Variants in CYP4X1 observed in about 807,000 individuals in gnomAD.
The protein encoded by CYP4X1 is cytochrome P450 family 4 subfamily X member 1.
In CYP4X1, 44 loss-of-function variants were observed where a neutral mutation model predicts 57.9. The observed-to-expected ratio is 0.76, with a 90% confidence interval of 0.60 to 0.98. The LOEUF is 0.98. CYP4X1 is among the 50% of genes least tolerant of loss of function. The pLI, the probability that CYP4X1 is intolerant of heterozygous loss-of-function variation, is 0.00. For synonymous variants in CYP4X1, 227 were observed against 228.6 expected (o/e 0.99, Z 0.06); for missense variants, 532 against 623.9 (o/e 0.85, Z 1.57).
rs776483581 is a variant in CYP4X1 at position 47,038,710 on chromosome 1, GA to G, written c.827del (p.Asp276ValfsTer35). The G allele has an allele frequency of 6.2e-7, 1 of 1,611,364 alleles. No homozygotes were observed. The highest frequency in any genetic ancestry group is 8.5e-7 in the Non-Finnish European group (1 of 1,178,762). On this transcript the variant is annotated frameshift_variant, in exon 7 of 12. Transcript: ENST00000371901. LOFTEE classifies it high-confidence loss of function. The part of the protein sequence containing the change: ...KKSLQAGVKQ[D>X]NTPKRKYQDF... ...ATCCCTCCAGGCTGGGGTAAAGCAG[GA>G]TAACACTCCGAAGAGGAAGTACCAG...
At chr1:47,021,588 T>G (rs1177010259), upstream of CYP4X1, among the ~76,000 whole-genome samples, 1 of 152,212 alleles carries the variant, frequency 6.6e-6, no homozygotes, top group Non-Finnish European at 1.5e-5. Context: ...AAAATGGCAG[T>G]GAAGCAGAGA....
the CYP4X1 span, among the ~76,000 whole-genome samples, chr1:46,977,810 G>T: frequency 6.6e-6 from 1 of 151,982 alleles, no homozygotes; most frequent in Non-Finnish European, 1.5e-5. Flanking sequence ...GAAAGAGTGG[G>T]GGTCAATATT....
chr1:46,977,329 G>A, the CYP4X1 span, among the ~76,000 whole-genome samples: 1 of 152,118 alleles, frequency 6.6e-6, no homozygotes, highest in African/African-American at 2.4e-5. Flanking sequence ...TGTGATACAT[G>A]CACAAGCTTC....
At chr1:47,054,100 G>T (rs1245836222), downstream of CYP4X1, among the ~76,000 whole-genome samples, 2 of 151,614 alleles carry the variant, frequency 1.3e-5, no homozygotes, top group East Asian at 3.9e-4. Flanking sequence ...TTTGTATAAG[G>T]TGTAAGGAAG....
the CYP4X1 span, among the ~76,000 whole-genome samples, chr1:46,981,386 C>T: frequency 6.6e-6 from 1 of 152,156 alleles, no homozygotes; most frequent in Admixed American, 6.5e-5. Context: ...AAAAAAAGCT[C>T]ATCATCACTG....
intron 9 of CYP4X1, among the ~76,000 whole-genome samples, chr1:47,047,120 A>G (rs572701357): frequency 2.0e-5 from 3 of 152,308 alleles, no homozygotes; most frequent in Admixed American, 6.5e-5. Context: ...TTCACTGAAC[A>G]CTTTTAAGTA....
the CYP4X1 span, among the ~76,000 whole-genome samples, chr1:47,000,714 A>C: frequency 3.9e-5 from 6 of 152,146 alleles, no homozygotes; most frequent in South Asian, 1.2e-3. Flanking sequence ...GTTGGGTAGG[A>C]GACAGGTAGA....
At chr1:47,047,124 T>G (rs1162875801) in intron 9 of CYP4X1, among the ~76,000 whole-genome samples, 1 of 152,190 alleles carries the variant, frequency 6.6e-6, no homozygotes, top group Non-Finnish European at 1.5e-5. Flanking sequence ...CTGAACACTT[T>G]TAAGTACTTT....
At chr1:47,041,656 T>A (rs1012628853) in intron 8 of CYP4X1, among the ~76,000 whole-genome samples, 11 of 152,294 alleles carry the variant, frequency 7.2e-5, no homozygotes, top group African/African-American at 2.6e-4. Context: ...ATTGTGTGAG[T>A]TCCTCATATA....
the CYP4X1 span, among the ~76,000 whole-genome samples, chr1:47,006,622 G>A: frequency 1.3e-5 from 2 of 152,186 alleles, no homozygotes; most frequent in African/African-American, 2.4e-5. Flanking sequence ...ATGAGCCAAA[G>A]CAGGGTGAGT....
At chr1:47,053,285 T>G (rs549119596), downstream of CYP4X1, among the ~76,000 whole-genome samples, 1,179 of 152,322 alleles carry the variant, frequency 7.7e-3, 8 homozygotes, top group African/African-American at 0.026. Context: ...CCATGGTGTA[T>G]ATGTGCCACA....
the CYP4X1 span, among the ~76,000 whole-genome samples, chr1:46,964,652 TG>T: frequency 1.6e-4 from 24 of 152,310 alleles, no homozygotes; most frequent in Non-Finnish European, 2.5e-4. Flanking sequence ...CTGCCCCTAC[TG>T]GGGGTGCCTC....
chr1:47,001,961 C>T, the CYP4X1 span, among the ~76,000 whole-genome samples: 1 of 152,244 alleles, frequency 6.6e-6, no homozygotes, highest in Non-Finnish European at 1.5e-5. Flanking sequence ...AAGGCCAGGG[C>T]CCAGCTTCCT....
At chr1:47,039,710 GAAAA>G in intron 8 of CYP4X1, 178 bp downstream of exon 8, 3 of 356,502 alleles carry the variant, frequency 8.4e-6, no homozygotes, top group South Asian at 1.2e-4. Flanking sequence ...TGTCTTTCAG[GAAAA>G]AAAAAAAAAG....
chr1:47,027,887 A>G (rs2148505259), intron 1 of CYP4X1, among the ~76,000 whole-genome samples: 1 of 152,146 alleles, frequency 6.6e-6, no homozygotes, highest in Non-Finnish European at 1.5e-5. Context: ...CTCTGACACT[A>G]TACTGTATAC....
At chr1:46,979,929 T>A in the CYP4X1 span, among the ~76,000 whole-genome samples, 2 of 152,100 alleles carry the variant, frequency 1.3e-5, no homozygotes, top group Non-Finnish European at 2.9e-5. Context: ...ATTCAAGAAC[T>A]CTTCATGCTA....
intron 9 of CYP4X1, 39 bp from the exon 10 acceptor site, chr1:47,048,526 C>G (rs1644326787): frequency 6.2e-7 from 1 of 1,610,614 alleles, no homozygotes; most frequent in Non-Finnish European, 8.5e-7. Context: ...ACAACTTGCT[C>G]TTTCTCCTGC....
chr1:47,038,998 T>C (rs1644216034), intron 7 of CYP4X1, among the ~76,000 whole-genome samples: 2 of 152,120 alleles, frequency 1.3e-5, no homozygotes, highest in Non-Finnish European at 2.9e-5. Flanking sequence ...ATTTGAGGAT[T>C]GTCATATGGA....
chr1:46,991,392 T>TA, the CYP4X1 span, among the ~76,000 whole-genome samples: 42 of 152,182 alleles, frequency 2.8e-4, no homozygotes, highest in Admixed American at 7.9e-4. Context: ...GCTGAATATT[T>TA]AGCTTGTTCT....
Sources: allele counts gnomAD v4.1 joint callset (sites outside exome capture counted in the v4.1 genomes callset), GRCh38; gene constraint gnomAD v4.1.1; transcripts MANE v1.5; gene names NCBI Gene and HGNC (gene_info 2026-07-23, HGNC 2026-07-21).